GLIS3: variants seen among roughly 807,000 people sequenced by gnomAD.
GLIS3 encodes the protein zinc finger protein GLIS3.
GLIS3 carries 53 observed loss-of-function variants against 78.6 expected under a neutral mutation model. The observed-to-expected ratio is 0.67, with a 90% CI of 0.54 to 0.85. GLIS3 has a LOEUF of 0.85. Ranked by LOEUF, GLIS3 falls within the 40% of genes least tolerant of loss-of-function variation. GLIS3 has a pLI of 0.00. For synonymous variants in GLIS3, 684 were observed against 509.9 expected (o/e 1.34, Z -4.60); for missense variants, 1,703 against 1,231.1 (o/e 1.38, Z -5.74).
At chr9:4,108,114 G>A (rs1460459694) in intron 4 of GLIS3, among the ~76,000 whole-genome samples, 2 of 152,116 alleles carry the variant, frequency 1.3e-5, no homozygotes, top group African/African-American at 2.4e-5. Context: ...TAGCTCTGAG[G>A]GTGATAGTGA....
intron 2 of GLIS3, among the ~76,000 whole-genome samples, chr9:4,314,243 T>G (rs1389337755): frequency 6.6e-6 from 1 of 152,220 alleles, no homozygotes; most frequent in Non-Finnish European, 1.5e-5. Flanking sequence ...TGAGCTGGTG[T>G]TGTTTTTTAT....
intron 2 of GLIS3, among the ~76,000 whole-genome samples, chr9:4,207,504 G>A (rs1819988597): frequency 6.6e-6 from 1 of 152,274 alleles, no homozygotes; most frequent in African/African-American, 2.4e-5. Context: ...TACAAATCTG[G>A]GAGGATTCAT....
At chr9:4,280,508 T>C (rs1488714903) in intron 2 of GLIS3, among the ~76,000 whole-genome samples, 2 of 151,602 alleles carry the variant, frequency 1.3e-5, no homozygotes, top group Non-Finnish European at 2.9e-5. Flanking sequence ...AGAGGCAAAA[T>C]GCAAAAAAAA....
chr9:4,088,448 C>T (rs539042184), intron 4 of GLIS3, among the ~76,000 whole-genome samples: 1 of 152,236 alleles, frequency 6.6e-6, no homozygotes, highest in Non-Finnish European at 1.5e-5. Flanking sequence ...TGACAGCCAA[C>T]AGAAGTACAA....
the GLIS3 span, among the ~76,000 whole-genome samples, chr9:4,487,710 T>C: frequency 1.3e-5 from 2 of 151,354 alleles, no homozygotes; most frequent in Non-Finnish European, 2.9e-5. Context: ...TTTAAATAGA[T>C]AGAGTCTCGC....
chr9:3,838,486 G>C (rs1412223317), intron 9 of GLIS3, among the ~76,000 whole-genome samples: 2 of 152,154 alleles, frequency 1.3e-5, no homozygotes, highest in East Asian at 1.9e-4. Flanking sequence ...GCTGAATCCA[G>C]GGATTCTGCT....
At chr9:4,302,899 A>G (rs1817127647), upstream of GLIS3, among the ~76,000 whole-genome samples, 1 of 152,198 alleles carries the variant, frequency 6.6e-6, no homozygotes, top group Non-Finnish European at 1.5e-5. Context: ...CTGGACTTCA[A>G]AGAATGAGTA....
At chr9:3,856,841 G>A (rs1198893984) in intron 8 of GLIS3, among the ~76,000 whole-genome samples, 3 of 152,300 alleles carry the variant, frequency 2.0e-5, no homozygotes, top group East Asian at 1.9e-4. Flanking sequence ...GGAGTCACAT[G>A]CGCCAATCAC....
intron 2 of GLIS3, among the ~76,000 whole-genome samples, chr9:4,269,913 C>T (rs564261365): frequency 6.6e-6 from 1 of 152,150 alleles, no homozygotes; most frequent in Non-Finnish European, 1.5e-5. Context: ...AACAGAGTAC[C>T]TATAAATACT....
At chr9:4,009,074 A>C (rs943228970) in intron 4 of GLIS3, among the ~76,000 whole-genome samples, 2 of 152,196 alleles carry the variant, frequency 1.3e-5, no homozygotes, top group African/African-American at 4.8e-5. Flanking sequence ...TCTCTTACTC[A>C]AAAGAAAATG....
chr9:4,138,381 C>G (rs987927151), intron 2 of GLIS3, among the ~76,000 whole-genome samples: 2 of 152,124 alleles, frequency 1.3e-5, no homozygotes, highest in African/African-American at 4.8e-5. Flanking sequence ...TTAACTAACA[C>G]AGGAAACAAT....
At chr9:4,028,266 G>A (rs1384599883) in intron 4 of GLIS3, among the ~76,000 whole-genome samples, 2 of 152,056 alleles carry the variant, frequency 1.3e-5, no homozygotes, top group Non-Finnish European at 2.9e-5. Context: ...TCACTTCGCA[G>A]GACTGCTGTG....
At chr9:4,295,257 G>A (rs760921356) in intron 1 of GLIS3, among the ~76,000 whole-genome samples, 5 of 151,908 alleles carry the variant, frequency 3.3e-5, no homozygotes, top group African/African-American at 4.8e-5. Flanking sequence ...CTTAGTGGAA[G>A]GAACGCCTCT....
intron 6 of GLIS3, among the ~76,000 whole-genome samples, chr9:3,914,991 ATGTCT>A (rs1824407159): frequency 3.5e-3 from 1 of 286 alleles, no homozygotes; most frequent in Non-Finnish European, 0.01. Flanking sequence ...TGAGCACTGT[ATGTCT>A]TAGAGCAATG....
chr9:4,488,381 CT>C, the GLIS3 span, among the ~76,000 whole-genome samples: 1 of 152,180 alleles, frequency 6.6e-6, no homozygotes, highest in Admixed American at 6.5e-5. Flanking sequence ...ACTTCATAAA[CT>C]TCCTTTATGT....
At chr9:4,193,321 A>G (rs2131227528) in intron 2 of GLIS3, among the ~76,000 whole-genome samples, 1 of 152,366 alleles carries the variant, frequency 6.6e-6, no homozygotes, top group Middle Eastern at 3.4e-3. Context: ...TTGTACTGAA[A>G]CACAGACAAT....
At chr9:4,004,974 G>A (rs1437703942) in intron 4 of GLIS3, among the ~76,000 whole-genome samples, 2 of 152,170 alleles carry the variant, frequency 1.3e-5, no homozygotes, top group Admixed American at 1.3e-4. Flanking sequence ...GCCAAAGTAG[G>A]ATTAAATTCT....
the GLIS3 span, among the ~76,000 whole-genome samples, chr9:4,481,215 G>A: frequency 6.6e-6 from 1 of 152,092 alleles, no homozygotes. Context: ...CAGATGTGGT[G>A]GCTCATGCCT....
intron 4 of GLIS3, among the ~76,000 whole-genome samples, chr9:4,114,809 T>TA (rs1831508098): frequency 1.9e-5 from 1 of 54,038 alleles, no homozygotes; most frequent in Non-Finnish European, 4.1e-5. Context: ...ACAGAAGCAA[T>TA]AAGAAAGAGA....
Sources: allele counts gnomAD v4.1 joint callset (sites outside exome capture counted in the v4.1 genomes callset), GRCh38; gene constraint gnomAD v4.1.1; transcripts MANE v1.5; gene names NCBI Gene and HGNC (gene_info 2026-07-23, HGNC 2026-07-21).